LTBP3: variants seen among roughly 807,000 people sequenced by gnomAD.
LTBP3 encodes the protein latent transforming growth factor beta binding protein 3, also known as latent-transforming growth factor beta-binding protein 3.
A neutral mutation model predicts 159.7 loss-of-function variants in LTBP3; 97 were observed. The ratio of observed to expected loss-of-function variants is 0.61; its 90% confidence interval spans 0.52 to 0.72. The LOEUF (loss-of-function observed/expected upper bound fraction) is 0.72, where lower values mean the gene tolerates loss of function less well. Among genes scored for constraint, LTBP3 ranks in the 30% least tolerant of loss-of-function variants. The probability of loss-of-function intolerance (pLI) is 0.00; values close to 1 mark genes in which losing one functional copy is unlikely to be tolerated. For synonymous variants in LTBP3, 824 were observed against 777.1 expected, an observed-to-expected ratio of 1.06 and a Z score of -1.00; for missense variants, 1,584 against 1,864.3, an observed-to-expected ratio of 0.85 and a Z score of 2.77.
intron 21 of LTBP3, 90 bp from the exon 22 acceptor site, chr11:65,540,704 G>A (rs909502194): frequency 5.9e-6 from 9 of 1,531,766 alleles, no homozygotes; most frequent in Non-Finnish European, 7.8e-6. Context: ...AGCCATCCCC[G>A]GGCGGGGCCT....
chr11:65,557,533 T>C, intron 1 of LTBP3, 96 bp downstream of exon 1: 2 of 1,551,600 alleles, frequency 1.3e-6, no homozygotes, highest in Non-Finnish European at 1.8e-6. Context: ...CTTTATACCC[T>C]CAGCCCCCAG....
Position 65,540,157 on chromosome 11 carries a change from C to G in LTBP3, c.3245-4G>C, listed in dbSNP as rs753454432. On this transcript the variant is annotated splice_polypyrimidine_tract_variant and splice_region_variant and intron_variant, in intron 23 of 27. Coordinates refer to ENST00000301873, the MANE Select transcript of LTBP3 (RefSeq NM_001130144.3). ...GGGTCCTGGCACTCGTCCACGTCTA[C>G]GAACAGCGAGGGGGTGGGTGGGGGC... is the stretch of plus-strand genomic sequence containing the variant. 2.0e-6 allele frequency: 3 copies of G among 1,533,716 alleles called. No individual in the cohort carries two copies. Among genetic ancestry groups the G allele is most frequent in the South Asian group, 2.4e-5 (2 of 83,654 alleles).
Position 65,539,019 on chromosome 11 carries a change from C to A in LTBP3, c.*61G>T, listed in dbSNP as rs998235370. 1.5e-6 allele frequency: 2 copies of A among 1,324,316 alleles called. No individual in the cohort carries two copies. The highest frequency in any genetic ancestry group is 1.9e-6 in the Non-Finnish European group (2 of 1,038,352). The allele number at this position is 1,324,316 out of a possible 1,614,324, so 82.0% of individuals were successfully genotyped here. A position where few individuals can be genotyped will look rare whatever the true frequency, so the allele number is the denominator to read the frequency against. Reference sequence around the variant, plus strand: ...CCACAAGTCGGGGCAGAAGTGAGGCCGAGCTCGCGGAAATCCCTCAGTGAT... The same window carrying A: ...CCACAAGTCGGGGCAGAAGTGAGGCAGAGCTCGCGGAAATCCCTCAGTGAT... On this transcript the variant is annotated 3_prime_UTR_variant, in exon 28 of 28. Coordinates refer to ENST00000301873, the MANE Select transcript of LTBP3 (RefSeq NM_001130144.3).
chr11:65,547,525 C>A lies in LTBP3; in HGVS notation c.2021G>T (p.Gly674Val). 1 of 1,614,028 alleles carries A rather than the reference C, an allele frequency of 6.2e-7. No individual in the cohort carries two copies. The highest frequency in any genetic ancestry group is 8.5e-7 in the Non-Finnish European group (1 of 1,179,944). Residue 674 changes from glycine to valine, a missense_variant, in exon 14 of 28, where the codon GGC becomes GTC. Coordinates refer to ENST00000301873, the MANE Select transcript of LTBP3 (RefSeq NM_001130144.3). This position sits in a 1 kb window ranked among gnomAD's most constrained non-coding sequence, Gnocchi z 4.6. ...CAKPHLCGDG[G>V]FCINFPGHYK... ...GTGACCGGGAAAGTTGATGCAGAAGCCGCCGTCGCCGCACAGGTGGGGCTT... is the reference window on the plus strand; with the variant it reads ...GTGACCGGGAAAGTTGATGCAGAAGACGCCGTCGCCGCACAGGTGGGGCTT...
At chr11:65,556,552 C>G (rs558805844) in intron 1 of LTBP3, among the ~76,000 whole-genome samples, 1 of 152,264 alleles carries the variant, frequency 6.6e-6, no homozygotes, top group African/African-American at 2.4e-5. Context: ...CAAAAACATT[C>G]CCACATACTC....
chr11:65,541,580 G>A lies in LTBP3; in HGVS notation c.2725+20C>T, dbSNP rs1016382134. ...CAGGGGAGTTGTCCAGTCCGAGGGA[G>A]GAGCTGGGAGGACACTCACCCTCAC... On this transcript the variant is annotated intron_variant, in intron 19 of 27. Coordinates refer to ENST00000301873, the MANE Select transcript of LTBP3 (RefSeq NM_001130144.3). 5.0e-6 allele frequency: 8 copies of A among 1,613,990 alleles called. No homozygotes were observed. Among genetic ancestry groups the A allele is most frequent in the South Asian group, 4.4e-5 (4 of 91,080 alleles).
Position 65,542,968 on chromosome 11 carries a change from GGATGGATA to G in LTBP3, c.2596+129_2596+136del, listed in dbSNP as rs1206531053. 1.4e-3 allele frequency: 1,552 copies of G among 1,098,128 alleles called. 24 individuals carry two copies. The African/African-American group carries it at 0.025, about 18-fold the overall frequency. The allele number at this position is 1,098,128 out of a possible 1,614,324, so 68.0% of individuals were successfully genotyped here. Reference sequence around the variant, plus strand: ...TGGATGGATGGATGGATGGATGGATGGATGGATAGATGGATGGATGGATGGATGAAGGA... The same window carrying G: ...TGGATGGATGGATGGATGGATGGATGGATGGATGGATGGATGGATGAAGGA... On this transcript the variant is annotated intron_variant, in intron 18 of 27. Transcript: ENST00000301873.
chr11:65,547,987 G>A lies in LTBP3; in HGVS notation c.1779C>T (p.Gly593=). The A allele has an allele frequency of 1.9e-6, 3 of 1,613,844 alleles. No homozygotes were observed. Among genetic ancestry groups the A allele is most frequent in the Non-Finnish European group, 2.5e-6 (3 of 1,179,988 alleles). Residue 593 remains glycine (G), a synonymous_variant, in exon 12 of 28, where the codon GGC becomes GGT. Coordinates refer to ENST00000301873, the MANE Select transcript of LTBP3 (RefSeq NM_001130144.3). This position sits in a 1 kb window ranked among gnomAD's most constrained non-coding sequence, Gnocchi z 4.6. ...TGCAGTGGCAGGAGTAGTCAGGGGG[G>A]CCCGGCACGCACTCTCCGTGGCCAC... The part of the protein sequence containing the change: ...NICGHGECVP[G]PPDYSCHCNP...
In LTBP3 at chr11:65,546,813, C is replaced by A. The variant is rs759887225; in HGVS notation, c.2215G>T (p.Gly739Cys). Reference sequence around the variant, plus strand: ...CCGCCCTCACCGCGACAGGCCCCGCCCCCCTGGCTGCGGTAGCCAGGCTGA... The same window carrying A: ...CCGCCCTCACCGCGACAGGCCCCGCACCCCTGGCTGCGGTAGCCAGGCTGA... ...ACQPGYRSQG[G>C]GACRDVNECA... is the part of the protein sequence containing the mutation. The change falls in exon 15 of 28, where the codon GGC becomes TGC. Residue 739 changes from glycine (G) to cysteine (C), a missense_variant. By Grantham distance (159) the Gly-to-Cys change is radical. Transcript: ENST00000301873. The surrounding 1 kb of genome is among the most constrained non-coding windows in gnomAD (Gnocchi z 4.0). 8.7e-6 allele frequency: 14 copies of A among 1,606,204 alleles called. No homozygotes were observed. Among genetic ancestry groups the A allele is most frequent in the Non-Finnish European group, 1.0e-5 (12 of 1,179,700 alleles).
intron 18 of LTBP3, 64 bp from the exon 19 acceptor site, chr11:65,541,792 G>A: frequency 1.9e-6 from 3 of 1,595,384 alleles, no homozygotes; most frequent in Non-Finnish European, 2.6e-6. Flanking sequence ...GCACCTCAAG[G>A]GCCTCACACA....
At chr11:65,543,571 AG>A in intron 16 of LTBP3, 22 bp from the exon 17 acceptor site, 4 of 1,613,918 alleles carry the variant, frequency 2.5e-6, no homozygotes, top group Non-Finnish European at 3.4e-6. Flanking sequence ...AGGGGGTGTC[AG>A]AGGACCAGGC....
chr11:65,540,412 G>C, intron 22 of LTBP3, 30 bp from the exon 23 acceptor site: 1 of 1,606,958 alleles, frequency 6.2e-7, no homozygotes, highest in Non-Finnish European at 8.5e-7. Context: ...GGGTAGCAGG[G>C]GCAGGCCCGG....
intron 18 of LTBP3, chr11:65,541,972 G>C (rs537309999): frequency 4.0e-6 from 2 of 494,026 alleles, no homozygotes; most frequent in South Asian, 3.9e-5. Flanking sequence ...AGCCCAAATG[G>C]AAAGGCCTCA....
Position 65,552,538 on chromosome 11 carries a change from G to A in LTBP3, c.1187-132C>T. 2 of 1,142,256 alleles carry A rather than the reference G, an allele frequency of 1.8e-6. No homozygotes were observed. The highest frequency in any genetic ancestry group is 2.5e-6 in the Non-Finnish European group (2 of 798,714). 70.8% of individuals were successfully genotyped at this position (1,142,256 alleles called of 1,614,324 possible). A position where few individuals can be genotyped will look rare whatever the true frequency, so the allele number is the denominator to read the frequency against. ...CCCCATGTGGTCTCTGACCCCATAT[G>A]ACCCTGAACTCATGTGACCCCTGAA... On this transcript the variant is annotated intron_variant, in intron 6 of 27. Transcript: ENST00000301873. This position sits in a 1 kb window ranked among gnomAD's most constrained non-coding sequence, Gnocchi z 6.0.
At position 65,540,901 on chromosome 11, in the gene LTBP3, T is replaced by C; in HGVS notation, c.2947A>G (p.Ile983Val). ...TGGGCTGGGATGCCGTAGTTGACGA[T>C]GTTGTTGTCCTGGGTGTAGCCCTTT... ...DGKGYTQDNN[I>V]VNYGIPAHRD... is the part of the protein sequence containing the mutation. The change falls in exon 21 of 28, where the codon ATC (isoleucine) becomes GTC (valine). Residue 983 changes from isoleucine (I) to valine (V), a missense_variant. Coordinates refer to ENST00000301873, the MANE Select transcript of LTBP3 (RefSeq NM_001130144.3). The C allele has an allele frequency of 2.5e-6, 4 of 1,613,208 alleles. No homozygotes were observed. The highest frequency in any genetic ancestry group is 1.1e-5 in the South Asian group (1 of 90,946).
chr11:65,543,867 C>G, intron 16 of LTBP3: 1 of 417,182 alleles, frequency 2.4e-6, no homozygotes. Context: ...GGGATAAACT[C>G]CCTATCCTTG....
chr11:65,553,772 G>C lies in LTBP3; in HGVS notation c.793C>G (p.Pro265Ala), dbSNP rs776526815. The change falls in exon 3 of 28, where the codon CCC (proline) becomes GCC (alanine). Residue 265 changes from proline (P) to alanine (A), a missense_variant. Around this residue, in one of 6 missense-constraint regions of LTBP3, gnomAD observed 194 missense variants for 198.7 expected, o/e 0.98. Coordinates refer to ENST00000301873, the MANE Select transcript of LTBP3 (RefSeq NM_001130144.3). This position sits in a 1 kb window ranked among gnomAD's most constrained non-coding sequence, Gnocchi z 6.5. ...PSQHLLPHPK[P>A]SHPRPPTQKP... ...TGGGTGGGCGGCCGGGGGTGCGAGG[G>C]CTTGGGGTGCGGCAGCAGGTGCTGG... is the stretch of plus-strand genomic sequence containing the variant. 1.3e-6 allele frequency: 2 copies of C among 1,570,062 alleles called. No individual in the cohort carries two copies. The highest frequency in any genetic ancestry group is 1.7e-6 in the Non-Finnish European group (2 of 1,165,674).
At position 65,551,415 on chromosome 11, in the gene LTBP3, G is replaced by A; in HGVS notation, c.1608C>T (p.Ala536=). ...QSHPTATTTP[A]RPYPELISRP... ...TGCCCAGCTCACCGGGGTAGGGCCG[G>A]GCAGGAGTCGTGGTGGCAGTTGGGT... The change falls in exon 10 of 28, where the codon GCC becomes GCT. Residue 536 remains alanine (A), a synonymous_variant. Transcript: ENST00000301873. 6.2e-7 allele frequency: 1 copy of A among 1,613,512 alleles called. No homozygotes were observed.
intron 16 of LTBP3, chr11:65,543,753 G>A (rs764278522): frequency 2.2e-5 from 14 of 629,092 alleles, no homozygotes; most frequent in South Asian, 5.5e-5. Context: ...CAGGTCTGAT[G>A]CTAAAGAGCC....
Sources: allele counts gnomAD v4.1 joint callset (sites outside exome capture counted in the v4.1 genomes callset), GRCh38; gene constraint gnomAD v4.1.1; regional missense constraint gnomAD v4.1.1; non-coding constraint Gnocchi (gnomAD v3.1); transcripts MANE v1.5; gene names NCBI Gene and HGNC (gene_info 2026-07-23, HGNC 2026-07-21).